Variants in CSMD1 observed in about 807,000 individuals in gnomAD.
The protein encoded by CSMD1 is CUB and Sushi multiple domains 1.
Under a neutral mutation model 417.5 loss-of-function variants are expected in CSMD1, and 213 were observed. That is an observed-to-expected ratio of 0.51 (90% CI 0.46 to 0.57). CSMD1 has a LOEUF of 0.57. Ranked by LOEUF, CSMD1 falls within the 20% of genes least tolerant of loss-of-function variation. The pLI is 0.00. For missense variants in CSMD1, 6,923 were observed against 4,529.7 expected, an observed-to-expected ratio of 1.53 and a Z score of -15.17; for synonymous variants, 2,862 against 1,736.8, an observed-to-expected ratio of 1.65 and a Z score of -16.11.
intron 23 of CSMD1, among the ~76,000 whole-genome samples, chr8:3,316,647 G>T (rs1030296767): frequency 6.6e-6 from 1 of 152,082 alleles, no homozygotes; most frequent in Non-Finnish European, 1.5e-5. Flanking sequence ...CCAATTTACA[G>T]GAACATTTGT....
chr8:3,490,353 A>C (rs562585238), intron 11 of CSMD1, among the ~76,000 whole-genome samples: 1 of 152,342 alleles, frequency 6.6e-6, no homozygotes, highest in Admixed American at 6.5e-5. Context: ...TTTCTTAACA[A>C]CAAATAGCAT....
chr8:3,591,402 C>A (rs1287852546), intron 8 of CSMD1, among the ~76,000 whole-genome samples: 1 of 152,176 alleles, frequency 6.6e-6, no homozygotes, highest in African/African-American at 2.4e-5. Flanking sequence ...TCCAAACACG[C>A]TTTAGTTGTA....
chr8:3,920,659 T>C (rs993585170), intron 5 of CSMD1, among the ~76,000 whole-genome samples: 1 of 152,154 alleles, frequency 6.6e-6, no homozygotes, highest in Non-Finnish European at 1.5e-5. Context: ...CTTCAACACA[T>C]AATTTGTTGA....
chr8:3,590,894 GC>G, intron 8 of CSMD1, among the ~76,000 whole-genome samples: 1 of 152,108 alleles, frequency 6.6e-6, no homozygotes, highest in African/African-American at 2.4e-5. Context: ...AGCCATGTGT[GC>G]TTTCGATGTC....
chr8:4,314,169 G>T (rs1159857889), intron 3 of CSMD1, among the ~76,000 whole-genome samples: 2 of 152,040 alleles, frequency 1.3e-5, no homozygotes, highest in Non-Finnish European at 2.9e-5. Context: ...AGGCTTAAAA[G>T]CATCTCATTC....
chr8:3,722,475 C>T (rs1802240420), intron 6 of CSMD1, among the ~76,000 whole-genome samples: 1 of 152,192 alleles, frequency 6.6e-6, no homozygotes, highest in Admixed American at 6.5e-5. Flanking sequence ...TCAGACAGAT[C>T]TGAAACCATT....
At chr8:3,040,398 A>ATAT (rs1350186729) in intron 50 of CSMD1, among the ~76,000 whole-genome samples, 1 of 145,100 alleles carries the variant, frequency 6.9e-6, no homozygotes, top group Non-Finnish European at 1.5e-5. Flanking sequence ...ATATATATAT[A>ATAT]TATATATATA....
intron 5 of CSMD1, among the ~76,000 whole-genome samples, chr8:3,792,613 G>A (rs894668508): frequency 2.0e-5 from 3 of 152,076 alleles, no homozygotes; most frequent in African/African-American, 4.8e-5. Flanking sequence ...TTCACCCTCA[G>A]ACAAATCATG....
At chr8:3,695,906 C>G (rs945268963) in intron 7 of CSMD1, among the ~76,000 whole-genome samples, 3 of 152,106 alleles carry the variant, frequency 2.0e-5, no homozygotes, top group Admixed American at 6.5e-5. Flanking sequence ...TGATATCTTT[C>G]TAATTATTTT....
intron 1 of CSMD1, among the ~76,000 whole-genome samples, chr8:4,751,169 G>A (rs569206124): frequency 2.6e-5 from 4 of 152,302 alleles, no homozygotes; most frequent in Admixed American, 1.3e-4. Flanking sequence ...TGGATCACCT[G>A]AGGTAAGGAA....
Position 4,857,530 on chromosome 8 carries a change from G to A in CSMD1, c.85+136802C>T, listed in dbSNP as rs181975963. Among the ~76,000 whole-genome samples the A allele has an allele frequency of 2.2e-3, 335 of 151,294 alleles. 3 individuals carry two copies. The highest frequency in any genetic ancestry group is 0.02 in the Admixed American group (304 of 15,204). On this transcript the variant is annotated intron_variant, in intron 1 of 69. Transcript: ENST00000635120. Reference sequence around the variant, plus strand: ...TTGATAGACCGCTAGCAAGACTAATGAAAAAAAGAGAGAAGAATCAAATAG... The same window carrying A: ...TTGATAGACCGCTAGCAAGACTAATAAAAAAAAGAGAGAAGAATCAAATAG...
chr8:3,413,545 C>G (rs978642448), intron 12 of CSMD1, among the ~76,000 whole-genome samples: 5 of 152,166 alleles, frequency 3.3e-5, no homozygotes, highest in African/African-American at 9.7e-5. Flanking sequence ...TGTGTTTCAC[C>G]TAGCTTTTGT....
chr8:3,734,707 T>C (rs1294716038), intron 6 of CSMD1, among the ~76,000 whole-genome samples: 1 of 152,072 alleles, frequency 6.6e-6, no homozygotes, highest in African/African-American at 2.4e-5. Context: ...TGAGATTTTG[T>C]CTCAAAAAAA....
In CSMD1 at chr8:3,251,421, A is replaced by C. The variant is rs183152685; in HGVS notation, c.4154-21190T>G. Reference sequence around the variant, plus strand: ...GGGCTCTGTTCTGTTGCATTGGTCTATATCTCTGTTTTGGTACCAGTATCA... The same window carrying C: ...GGGCTCTGTTCTGTTGCATTGGTCTCTATCTCTGTTTTGGTACCAGTATCA... On this transcript the variant is annotated intron_variant, in intron 26 of 69. Coordinates refer to ENST00000635120, the MANE Select transcript of CSMD1 (RefSeq NM_033225.6). Among the ~76,000 whole-genome samples, 15 of 152,188 alleles carry C rather than the reference A, an allele frequency of 9.9e-5. No homozygotes were observed. In the East Asian group the frequency reaches 2.1e-3, roughly 22 times the overall value.
At chr8:4,475,510 C>A (rs1302186401) in intron 2 of CSMD1, among the ~76,000 whole-genome samples, 1 of 152,144 alleles carries the variant, frequency 6.6e-6, no homozygotes, top group Admixed American at 6.5e-5. Context: ...TAGAGAAAAA[C>A]ATGGACTCAG....
intron 5 of CSMD1, among the ~76,000 whole-genome samples, chr8:3,863,925 G>A (rs1308658523): frequency 6.6e-6 from 1 of 152,054 alleles, no homozygotes; most frequent in South Asian, 2.1e-4. Context: ...AGAAGCTTAT[G>A]GAAAAATGAC....
At chr8:3,230,303 T>C in intron 26 of CSMD1, 72 bp from the exon 27 acceptor site, 2 of 1,280,858 alleles carry the variant, frequency 1.6e-6, no homozygotes, top group South Asian at 3.3e-5. Flanking sequence ...GTGTGGTTGT[T>C]CTTGTGGGTT....
chr8:4,717,692 G>T (rs1470653934), intron 1 of CSMD1, among the ~76,000 whole-genome samples: 3 of 151,916 alleles, frequency 2.0e-5, no homozygotes, highest in Admixed American at 1.3e-4. Flanking sequence ...TTCCGAAGAG[G>T]CTGGGTAACC....
intron 6 of CSMD1, among the ~76,000 whole-genome samples, chr8:3,719,839 A>AT (rs1802048982): frequency 6.6e-6 from 1 of 152,022 alleles, no homozygotes; most frequent in South Asian, 2.1e-4. Flanking sequence ...CACAGTGGGG[A>AT]TTTTGAAGTT....
Sources: gnomAD v4.1 joint callset for allele counts (sites outside exome capture counted in the v4.1 genomes callset) on GRCh38, gnomAD v4.1.1 for gene constraint, MANE v1.5 for transcripts, NCBI Gene and HGNC (gene_info 2026-07-23, HGNC 2026-07-21) for gene names.